The following PRKDC variants were observed in gnomAD, a reference collection of about 807,000 sequenced individuals.
The protein encoded by PRKDC is DNA-dependent protein kinase catalytic subunit.
In PRKDC, 82 loss-of-function variants were observed where a neutral mutation model predicts 486.9. The observed-to-expected ratio is 0.17, with a 90% CI of 0.14 to 0.20. PRKDC has a LOEUF of 0.20. Ranked by LOEUF, PRKDC falls within the 10% of genes least tolerant of loss-of-function variation. The pLI is 1.00. For synonymous variants in PRKDC, 1,895 were observed against 1,837.0 expected (o/e 1.03, Z -0.81); for missense variants, 4,504 against 5,038.2 (o/e 0.89, Z 3.21).
chr8:47,914,325 T>C (rs889112170), intron 23 of PRKDC, among the ~76,000 whole-genome samples: 1 of 152,132 alleles, frequency 6.6e-6, no homozygotes, highest in Non-Finnish European at 1.5e-5. Flanking sequence ...AAGAGTTACT[T>C]AAAGTATTTT....
At chr8:47,822,011 G>A (rs1489294840) in intron 64 of PRKDC, among the ~76,000 whole-genome samples, 2 of 152,306 alleles carry the variant, frequency 1.3e-5, no homozygotes, top group African/African-American at 2.4e-5. Flanking sequence ...AGCTGGGCAC[G>A]CTGGCTCACG....
intron 40 of PRKDC, among the ~76,000 whole-genome samples, chr8:47,873,990 T>G (rs1462968238): frequency 6.6e-6 from 1 of 150,402 alleles, no homozygotes; most frequent in Non-Finnish European, 1.5e-5. Flanking sequence ...TGCTATTTTT[T>G]TTTTTTTTTT....
chr8:47,886,201 A>G (rs2089326769), intron 35 of PRKDC, 54 bp from the exon 36 acceptor site: 1 of 1,419,718 alleles, frequency 7.0e-7, no homozygotes, highest in South Asian at 1.5e-5. Context: ...TGCATGGCAC[A>G]GAAAGACCCT....
intron 58 of PRKDC, among the ~76,000 whole-genome samples, chr8:47,836,031 C>A (rs1477211192): frequency 6.6e-6 from 1 of 152,148 alleles, no homozygotes; most frequent in Non-Finnish European, 1.5e-5. Context: ...GCTGGAATAA[C>A]AGGAATGAGT....
chr8:47,789,144 T>A lies in PRKDC; in HGVS notation c.10758+7A>T. 1 of 1,613,210 alleles carries A rather than the reference T, an allele frequency of 6.2e-7. No individual in the cohort carries two copies. The highest frequency in any genetic ancestry group is 1.7e-5 in the Admixed American group (1 of 59,984). ...GTTTTATGTGCCAGAAGCCGTTCTA[T>A]CATTACCTTAAAGAGCAGTTCAGGA... On this transcript the variant is annotated splice_region_variant and intron_variant, in intron 75 of 85. Transcript: ENST00000314191.
Position 47,779,111 on chromosome 8 carries a change from G to C in PRKDC, c.11490-18C>G. 2 of 1,539,796 alleles carry C rather than the reference G, an allele frequency of 1.3e-6. No homozygotes were observed. The highest frequency in any genetic ancestry group is 1.8e-6 in the Non-Finnish European group (2 of 1,132,250). The stretch of plus-strand genomic sequence containing the variant: ...TGGGATCACTAATGAGTGAGAAAAG[G>C]GGAATTGGAATTAGGAAGATTTTAG... On this transcript the variant is annotated intron_variant, in intron 80 of 85. Transcript: ENST00000314191.
At chr8:47,866,612 TA>T (rs1480954858) in intron 40 of PRKDC, among the ~76,000 whole-genome samples, 1 of 152,098 alleles carries the variant, frequency 6.6e-6, no homozygotes, top group Non-Finnish European at 1.5e-5. Flanking sequence ...TTACTCATAA[TA>T]AAAGAAAAAT....
At position 47,957,190 on chromosome 8, in the gene PRKDC, G is replaced by A; in HGVS notation, c.305C>T (p.Pro102Leu). ...FLEKMGQKIA[P>L]YSVEIKNTCT... Reference sequence around the variant, plus strand: ...TCTTACCTTAATTTCAACAGAGTAAGGTGCGATCTTCTGGCCCATTTTTTC... The same window carrying A: ...TCTTACCTTAATTTCAACAGAGTAAAGTGCGATCTTCTGGCCCATTTTTTC... Residue 102 changes from proline (P) to leucine (L), a missense_variant, in exon 3 of 86, where the codon CCT (proline) becomes CTT (leucine). Around this residue, in one of 6 missense-constraint regions of PRKDC, gnomAD observed 145 missense variants for 136.3 expected, o/e 1.06. Coordinates refer to ENST00000314191, the MANE Select transcript of PRKDC (RefSeq NM_006904.7). 1.9e-6 allele frequency: 3 copies of A among 1,586,150 alleles called. No homozygotes were observed. The highest frequency in any genetic ancestry group is 2.6e-6 in the Non-Finnish European group (3 of 1,157,130).
intron 40 of PRKDC, among the ~76,000 whole-genome samples, chr8:47,866,341 T>G (rs2088812384): frequency 6.6e-6 from 1 of 152,082 alleles, no homozygotes; most frequent in Non-Finnish European, 1.5e-5. Flanking sequence ...TTTCTGTTGT[T>G]TTATAGGCCA....
intron 25 of PRKDC, among the ~76,000 whole-genome samples, chr8:47,905,177 C>T (rs963416082): frequency 5.3e-5 from 8 of 152,060 alleles, no homozygotes; most frequent in African/African-American, 1.7e-4. Context: ...AGGCATGTAC[C>T]ACCACACCCA....
rs556812055 is a variant in PRKDC, at chr8:47,798,372, C to T, written c.10323G>A (p.Ala3441=). ...ASVIDSAELQ[A]YPALVVEKML... is the part of the protein sequence containing the mutation. ...TTTTCTCCACCACAAGTGCTGGATACGCCTGCAGTTCTGCAGAATCAATAA... is the reference window on the plus strand; with the variant it reads ...TTTTCTCCACCACAAGTGCTGGATATGCCTGCAGTTCTGCAGAATCAATAA... Residue 3441 remains alanine, a synonymous_variant, in exon 73 of 86, where the codon GCG becomes GCA. Transcript: ENST00000314191. The T allele has an allele frequency of 2.7e-5, 44 of 1,607,138 alleles. No homozygotes were observed. The highest frequency in any genetic ancestry group is 1.7e-4 in the Middle Eastern group (1 of 6,042).
At position 47,918,441 on chromosome 8, in the gene PRKDC, C is replaced by T. The variant is rs974667300; in HGVS notation, c.2420-58G>A. On this transcript the variant is annotated intron_variant, in intron 21 of 85. Transcript: ENST00000314191. ...AGCACTCATTCATTCATTTAATGTA[C>T]ATTAGAGGCAACAAACTATATTGTC... The T allele has an allele frequency of 8.5e-6, 8 of 942,996 alleles. No homozygotes were observed. The Admixed American group carries it at 2.0e-4, about 23-fold the overall frequency. 58.4% of individuals were successfully genotyped at this position (942,996 alleles called of 1,614,324 possible). A position where few individuals can be genotyped will look rare whatever the true frequency, so the allele number is the denominator to read the frequency against.
At chr8:47,896,798 C>G (rs1475069166) in intron 30 of PRKDC, among the ~76,000 whole-genome samples, 2 of 152,244 alleles carry the variant, frequency 1.3e-5, no homozygotes, top group Non-Finnish European at 2.9e-5. Context: ...AGCTTCCCCA[C>G]TCCCAAGCTA....
intron 1 of PRKDC, among the ~76,000 whole-genome samples, chr8:47,958,580 GAAACAAGTTACT>G (rs2090751372): frequency 2.0e-5 from 3 of 152,166 alleles, no homozygotes; most frequent in Admixed American, 1.3e-4. Flanking sequence ...AAGTGCTTTA[GAAACAAGTTACT>G]AAACGAACAA....
Position 47,955,892 on chromosome 8 carries a change from G to C in PRKDC, c.381C>G (p.Ala127=). Residue 127 remains alanine (A), a synonymous_variant, in exon 4 of 86, where the codon GCC becomes GCG. Coordinates refer to ENST00000314191, the MANE Select transcript of PRKDC (RefSeq NM_006904.7). ...KDRAAKCKIP[A]LDLLIKLLQT... ...TAATTACCTTAATAAGAAGGTCCAG[G>C]GCTGGAATTTTACATTTAGCAGCTC... The C allele has an allele frequency of 6.2e-7, 1 of 1,601,654 alleles. No homozygotes were observed. The highest frequency in any genetic ancestry group is 8.5e-7 in the Non-Finnish European group (1 of 1,170,642).
intron 27 of PRKDC, among the ~76,000 whole-genome samples, chr8:47,902,253 G>C (rs2089699399): frequency 6.6e-6 from 1 of 152,004 alleles, no homozygotes; most frequent in African/African-American, 2.4e-5. Flanking sequence ...ATAAACCCTA[G>C]CAAGAGGCCA....
At chr8:47,857,716 G>T (rs1441354063) in intron 48 of PRKDC, among the ~76,000 whole-genome samples, 1 of 152,158 alleles carries the variant, frequency 6.6e-6, no homozygotes, top group Non-Finnish European at 1.5e-5. Flanking sequence ...TGTGCCCAGG[G>T]TGTGAAGAAT....
At chr8:47,779,187 CA>C in intron 80 of PRKDC, 94 bp from the exon 81 acceptor site, 1 of 890,780 alleles carries the variant, frequency 1.1e-6, no homozygotes. Flanking sequence ...TGAAAAATAG[CA>C]AAGAGGCAGG....
rs887295102 is a variant in PRKDC, at chr8:47,936,003, A to G, written c.1279-103T>C. 1.3e-5 allele frequency: 15 copies of G among 1,167,374 alleles called. No individual in the cohort carries two copies. The African/African-American group carries it at 1.4e-4, about 11-fold the overall frequency. The allele number at this position is 1,167,374 out of a possible 1,614,324, so 72.3% of individuals were successfully genotyped here. A position where few individuals can be genotyped will look rare whatever the true frequency, so the allele number is the denominator to read the frequency against. On this transcript the variant is annotated intron_variant, in intron 12 of 85. Transcript: ENST00000314191. ...ATTACAACTGAATTAGATACTTATTAAAAGAAAAACATGGTTTGTCATCTA... is the reference window on the plus strand; with the variant it reads ...ATTACAACTGAATTAGATACTTATTGAAAGAAAAACATGGTTTGTCATCTA...
Sources: gnomAD v4.1 joint callset for allele counts (sites outside exome capture counted in the v4.1 genomes callset) on GRCh38, gnomAD v4.1.1 for gene constraint, gnomAD v4.1.1 regional missense constraint, MANE v1.5 for transcripts, NCBI Gene and HGNC (gene_info 2026-07-23, HGNC 2026-07-21) for gene names.